PTPN4: variants seen among roughly 807,000 people sequenced by gnomAD.
PTPN4 encodes protein tyrosine phosphatase non-receptor type 4.
PTPN4 carries 49 observed loss-of-function variants against 135.5 expected under a neutral mutation model. The observed-to-expected ratio is 0.36, with a 90% CI of 0.29 to 0.46. PTPN4 has a LOEUF of 0.46. Ranked by LOEUF, PTPN4 falls within the 20% of genes least tolerant of loss-of-function variation. The pLI, the probability that PTPN4 is intolerant of heterozygous loss-of-function variation, is 1.00. For missense variants in PTPN4, 860 were observed against 1,101.0 expected, an observed-to-expected ratio of 0.78 and a Z score of 3.10; for synonymous variants, 333 against 369.9, an observed-to-expected ratio of 0.90 and a Z score of 1.14.
At position 119,910,645 on chromosome 2, in the gene PTPN4, C is replaced by T. The variant is rs1678557726; in HGVS notation, c.765-4534C>T. 2.0e-5 allele frequency among the ~76,000 whole-genome samples: 3 copies of T among 152,180 alleles called. No homozygotes were observed. The South Asian group carries it at 6.2e-4, about 32-fold the overall frequency. Reference sequence around the variant, plus strand: ...TAGTTGAATGATAGGGACAGTTTCCCCCATTGTGTTCTCATGATAATGAGT... The same window carrying T: ...TAGTTGAATGATAGGGACAGTTTCCTCCATTGTGTTCTCATGATAATGAGT... On this transcript the variant is annotated intron_variant, in intron 10 of 26. Coordinates refer to ENST00000263708, the MANE Select transcript of PTPN4 (RefSeq NM_002830.4).
At chr2:119,953,732 C>T (rs1679240743) in intron 19 of PTPN4, among the ~76,000 whole-genome samples, 1 of 152,140 alleles carries the variant, frequency 6.6e-6, no homozygotes. Context: ...ATTTAATCCT[C>T]ATAGACATCC....
chr2:119,925,436 T>A (rs925462758), intron 12 of PTPN4, among the ~76,000 whole-genome samples: 2 of 152,208 alleles, frequency 1.3e-5, no homozygotes, highest in African/African-American at 2.4e-5. Context: ...GCGTTTGTAG[T>A]CCTTAAGAAC....
intron 1 of PTPN4, among the ~76,000 whole-genome samples, chr2:119,794,356 C>T (rs1691213588): frequency 6.6e-6 from 1 of 152,182 alleles, no homozygotes; most frequent in Non-Finnish European, 1.5e-5. Context: ...CTGTACTTGG[C>T]TCCCGCTACC....
At chr2:119,902,944 A>G (rs1415816333) in intron 10 of PTPN4, among the ~76,000 whole-genome samples, 2 of 152,052 alleles carry the variant, frequency 1.3e-5, no homozygotes, top group Non-Finnish European at 2.9e-5. Flanking sequence ...CCATTTTGAG[A>G]GCTCAGACCC....
rs1024227307 is a variant in PTPN4 at position 119,983,245 on chromosome 2, A to C, written c.*6175A>C. On this transcript the variant is annotated 3_prime_UTR_variant, in exon 27 of 27. Coordinates refer to ENST00000263708, the MANE Select transcript of PTPN4 (RefSeq NM_002830.4). Reference sequence around the variant, plus strand: ...GCTTAAATGCCACATCGCTAAGTACAATTATTACCAGGAATCCGTCAAGGG... The same window carrying C: ...GCTTAAATGCCACATCGCTAAGTACCATTATTACCAGGAATCCGTCAAGGG... 1 of 152,184 alleles carries C rather than the reference A, an allele frequency of 6.6e-6. No individual in the cohort carries two copies. The allele number at this position is 152,184 out of a possible 1,614,324, so 9.4% of individuals were successfully genotyped here. A position where few individuals can be genotyped will look rare whatever the true frequency, so the allele number is the denominator to read the frequency against.
chr2:119,767,443 G>A (rs1013009517), intron 1 of PTPN4, among the ~76,000 whole-genome samples: 2 of 152,072 alleles, frequency 1.3e-5, no homozygotes, highest in African/African-American at 2.4e-5. Context: ...CTACATAACC[G>A]CCAAATCAGG....
intron 8 of PTPN4, among the ~76,000 whole-genome samples, chr2:119,882,870 T>C (rs542749575): frequency 6.6e-6 from 1 of 152,278 alleles, no homozygotes; most frequent in Admixed American, 6.5e-5. Flanking sequence ...TGCTATTGTG[T>C]AATAGTCTAA....
chr2:119,928,156 A>G (rs1678852307), intron 13 of PTPN4, among the ~76,000 whole-genome samples: 2 of 152,168 alleles, frequency 1.3e-5, no homozygotes, highest in Non-Finnish European at 2.9e-5. Flanking sequence ...ATCATCTAGC[A>G]TATCGTGCAC....
chr2:119,770,240 A>G (rs1690709331), intron 1 of PTPN4, among the ~76,000 whole-genome samples: 1 of 152,246 alleles, frequency 6.6e-6, no homozygotes. Flanking sequence ...TAGAAATGGT[A>G]CAGATAAGTC....
At chr2:119,855,441 G>A (rs374634416) in intron 2 of PTPN4, among the ~76,000 whole-genome samples, 1 of 152,124 alleles carries the variant, frequency 6.6e-6, no homozygotes, top group Non-Finnish European at 1.5e-5. Context: ...TTGAAGGGAC[G>A]GTTCTAAGTT....
At chr2:119,796,081 G>A (rs1175291751) in intron 1 of PTPN4, among the ~76,000 whole-genome samples, 4 of 152,178 alleles carry the variant, frequency 2.6e-5, no homozygotes, top group South Asian at 2.1e-4. Context: ...GGTCCTACCC[G>A]GCCATGCGAG....
intron 2 of PTPN4, among the ~76,000 whole-genome samples, chr2:119,840,535 A>G (rs148386369): frequency 0.024 from 3,659 of 152,294 alleles, 63 homozygotes; most frequent in Non-Finnish European, 0.033. Flanking sequence ...TGTGAATAGT[A>G]CTGTGATGAA....
chr2:119,786,390 A>G (rs1246207441), intron 1 of PTPN4, among the ~76,000 whole-genome samples: 2 of 152,238 alleles, frequency 1.3e-5, no homozygotes, highest in Admixed American at 1.3e-4. Flanking sequence ...TAAAACAATA[A>G]CAGTAATTAA....
intron 20 of PTPN4, among the ~76,000 whole-genome samples, chr2:119,956,237 ATT>A (rs10627020): frequency 0.057 from 5,705 of 100,772 alleles, 81 homozygotes; most frequent in African/African-American, 0.12. Context: ...ATAAACCTGA[ATT>A]TTTTTTTTTT....
At chr2:119,807,267 C>CA (rs1222811195) in intron 1 of PTPN4, among the ~76,000 whole-genome samples, 8 of 151,990 alleles carry the variant, frequency 5.3e-5, no homozygotes, top group Admixed American at 3.3e-4. Flanking sequence ...AAAAACCCTT[C>CA]AAAAAATCAA....
intron 9 of PTPN4, among the ~76,000 whole-genome samples, chr2:119,893,446 A>T (rs1389340929): frequency 6.6e-6 from 1 of 152,226 alleles, no homozygotes; most frequent in African/African-American, 2.4e-5. Context: ...AGAGACGTAA[A>T]TCCTCACGAA....
At chr2:119,974,806 C>A (rs1679589810) in intron 26 of PTPN4, among the ~76,000 whole-genome samples, 1 of 152,138 alleles carries the variant, frequency 6.6e-6, no homozygotes, top group Non-Finnish European at 1.5e-5. Flanking sequence ...AATGGCACAA[C>A]CAGTAAAATA....
rs367744606 is a variant in PTPN4 at position 119,968,752 on chromosome 2, A to G, written c.2694+780A>G. Reference sequence around the variant, plus strand: ...GCTTGCAGTGAGCCGAGATTGCGCCACTGTACTCCAGCCTGGGTGACAGAG... The same window carrying G: ...GCTTGCAGTGAGCCGAGATTGCGCCGCTGTACTCCAGCCTGGGTGACAGAG... On this transcript the variant is annotated intron_variant, in intron 26 of 26. Transcript: ENST00000263708. 3.9e-5 allele frequency among the ~76,000 whole-genome samples: 6 copies of G among 152,292 alleles called. No homozygotes were observed. The South Asian group carries it at 1.0e-3, about 26-fold the overall frequency.
At chr2:119,890,551 G>A (rs936130900) in intron 9 of PTPN4, among the ~76,000 whole-genome samples, 8 of 151,972 alleles carry the variant, frequency 5.3e-5, no homozygotes, top group African/African-American at 1.9e-4. Flanking sequence ...TTTTCATATT[G>A]TTAATTGTTT....
Sources: gnomAD v4.1 joint callset for allele counts (sites outside exome capture counted in the v4.1 genomes callset) on GRCh38, gnomAD v4.1.1 for gene constraint, MANE v1.5 for transcripts, NCBI Gene and HGNC (gene_info 2026-07-23, HGNC 2026-07-21) for gene names.